CNTN5: variants seen among roughly 807,000 people sequenced by gnomAD.
The protein encoded by CNTN5 is contactin-5.
CNTN5 carries 77 observed loss-of-function variants against 129.1 expected under a neutral mutation model. That is an observed-to-expected ratio of 0.60 (90% CI 0.50 to 0.72). CNTN5 has a LOEUF of 0.72. CNTN5 is among the 30% of genes least tolerant of loss of function. The pLI is 0.00. For missense variants in CNTN5, 1,478 were observed against 1,328.8 expected, an observed-to-expected ratio of 1.11 and a Z score of -1.75; for synonymous variants, 509 against 465.6, an observed-to-expected ratio of 1.09 and a Z score of -1.20.
At chr11:100,225,113 T>G in intron 16 of CNTN5, 2 of 187,778 alleles carry the variant, frequency 1.1e-5, no homozygotes, top group Non-Finnish European at 1.1e-5. Flanking sequence ...CTAAGTCACT[T>G]GGACTACAGA....
At chr11:99,519,972 T>G (rs935069929) in intron 2 of CNTN5, among the ~76,000 whole-genome samples, 18 of 152,116 alleles carry the variant, frequency 1.2e-4, no homozygotes, top group Admixed American at 5.9e-4. Context: ...TCATGCTCCC[T>G]TAGCTGTTTT....
At chr11:99,253,200 T>C (rs1024850378) in intron 1 of CNTN5, among the ~76,000 whole-genome samples, 6 of 152,076 alleles carry the variant, frequency 3.9e-5, no homozygotes, top group Admixed American at 3.3e-4. Context: ...TTGTTGGTTT[T>C]ATAAATTGGA....
intron 7 of CNTN5, among the ~76,000 whole-genome samples, chr11:99,924,566 T>C (rs2136048387): frequency 6.6e-6 from 1 of 152,240 alleles, no homozygotes; most frequent in Non-Finnish European, 1.5e-5. Context: ...GCAGCTTTAA[T>C]TCAGGGGCCT....
At chr11:99,279,627 T>A (rs184117973) in intron 1 of CNTN5, among the ~76,000 whole-genome samples, 1 of 151,882 alleles carries the variant, frequency 6.6e-6, no homozygotes, top group African/African-American at 2.4e-5. Flanking sequence ...CATTAAACCA[T>A]TCCATCATGT....
chr11:99,956,872 T>A lies in CNTN5; in HGVS notation c.740T>A (p.Ile247Asn), dbSNP rs1237354521. 3 of 1,611,614 alleles carry A rather than the reference T, an allele frequency of 1.9e-6. No individual in the cohort carries two copies. The highest frequency in any genetic ancestry group is 2.5e-6 in the Non-Finnish European group (3 of 1,177,810). The change falls in exon 8 of 25, where the codon ATC becomes AAC. Residue 247 changes from isoleucine (I) to asparagine (N), a missense_variant. By Grantham distance (149) the Ile-to-Asn change is moderately radical. Coordinates refer to ENST00000524871, the MANE Select transcript of CNTN5 (RefSeq NM_014361.4). ...SFVAEDSRRF[I>N]SQETGNLYIS... ...GTGGCGGAAGACAGCCGGCGGTTCA[T>A]CTCCCAGGAGACAGGCAACCTTTAT... is the stretch of plus-strand genomic sequence containing the variant.
At chr11:100,124,333 T>C (rs2138178389) in intron 13 of CNTN5, among the ~76,000 whole-genome samples, 1 of 152,140 alleles carries the variant, frequency 6.6e-6, no homozygotes. Flanking sequence ...GCAATATATC[T>C]TTTTTTCTGT....
intron 6 of CNTN5, among the ~76,000 whole-genome samples, chr11:99,898,458 C>A (rs1169096331): frequency 6.6e-6 from 1 of 151,944 alleles, no homozygotes. Context: ...AACTAGAAAA[C>A]CTGAAGACGT....
intron 6 of CNTN5, among the ~76,000 whole-genome samples, chr11:99,897,757 G>T (rs1417389163): frequency 1.3e-5 from 2 of 152,060 alleles, no homozygotes; most frequent in African/African-American, 4.8e-5. Flanking sequence ...AAAACAACTA[G>T]CTAACAACAC....
intron 3 of CNTN5, among the ~76,000 whole-genome samples, chr11:99,742,550 TC>T (rs1237066194): frequency 2.0e-5 from 3 of 152,180 alleles, no homozygotes; most frequent in Non-Finnish European, 4.4e-5. Context: ...TTGGGCTTTT[TC>T]TAGCTCTAAA....
At chr11:99,639,338 G>C (rs1485676380) in intron 3 of CNTN5, among the ~76,000 whole-genome samples, 1 of 152,170 alleles carries the variant, frequency 6.6e-6, no homozygotes, top group Non-Finnish European at 1.5e-5. Flanking sequence ...AGGAATGGCC[G>C]TGAAGCTCTC....
At chr11:100,010,281 G>A (rs1940444039) in intron 9 of CNTN5, among the ~76,000 whole-genome samples, 1 of 152,016 alleles carries the variant, frequency 6.6e-6, no homozygotes, top group Non-Finnish European at 1.5e-5. Context: ...TTTATGGAAA[G>A]TCAGTAACTA....
intron 3 of CNTN5, among the ~76,000 whole-genome samples, chr11:99,662,816 T>G (rs1952645577): frequency 6.6e-6 from 1 of 152,176 alleles, no homozygotes; most frequent in African/African-American, 2.4e-5. Flanking sequence ...TCAGACGCCA[T>G]CCAGAGCAAC....
intron 2 of CNTN5, among the ~76,000 whole-genome samples, chr11:99,362,168 T>C (rs992072561): frequency 6.6e-6 from 1 of 152,030 alleles, no homozygotes; most frequent in Non-Finnish European, 1.5e-5. Flanking sequence ...TTTTTAATAA[T>C]AGCCAAGCTT....
intron 3 of CNTN5, among the ~76,000 whole-genome samples, chr11:99,601,349 G>C (rs990848285): frequency 1.3e-5 from 2 of 151,744 alleles, no homozygotes; most frequent in African/African-American, 4.8e-5. Flanking sequence ...CTTTCCTTCG[G>C]GCTGTCTTGG....
chr11:100,145,855 T>C (rs1946836031), intron 13 of CNTN5, among the ~76,000 whole-genome samples: 1 of 152,056 alleles, frequency 6.6e-6, no homozygotes, highest in Non-Finnish European at 1.5e-5. Flanking sequence ...CTTAAGGGCT[T>C]TTGGTCTGTA....
chr11:99,533,209 C>G (rs2135474018), intron 2 of CNTN5, among the ~76,000 whole-genome samples: 1 of 152,280 alleles, frequency 6.6e-6, no homozygotes, highest in South Asian at 2.1e-4. Context: ...GGTGACAGAA[C>G]AAGTGAGACT....
chr11:100,127,330 G>A (rs539614642), intron 13 of CNTN5, among the ~76,000 whole-genome samples: 23 of 152,002 alleles, frequency 1.5e-4, no homozygotes, highest in African/African-American at 5.5e-4. Flanking sequence ...GCAGTTGCTT[G>A]CCTGGAAAAG....
chr11:99,150,492 A>C (rs1252721066), intron 1 of CNTN5, among the ~76,000 whole-genome samples: 1 of 152,034 alleles, frequency 6.6e-6, no homozygotes, highest in Non-Finnish European at 1.5e-5. Flanking sequence ...TAAATATATT[A>C]CATATAAATA....
At chr11:99,675,870 A>C (rs190815627) in intron 3 of CNTN5, among the ~76,000 whole-genome samples, 24 of 152,286 alleles carry the variant, frequency 1.6e-4, no homozygotes, top group African/African-American at 5.1e-4. Context: ...ATTTCCTTGC[A>C]AAAAGGAAAC....
Sources: gnomAD v4.1 joint callset for allele counts (sites outside exome capture counted in the v4.1 genomes callset) on GRCh38, gnomAD v4.1.1 for gene constraint, MANE v1.5 for transcripts, NCBI Gene and HGNC (gene_info 2026-07-23, HGNC 2026-07-21) for gene names.